FAM53B: variants seen among roughly 807,000 people sequenced by gnomAD.
FAM53B encodes the protein family with sequence similarity 53 member B.
In FAM53B, 12 loss-of-function variants were observed where a neutral mutation model predicts 32.7. The observed-to-expected ratio is 0.37, with a 90% confidence interval of 0.24 to 0.59. The LOEUF (loss-of-function observed/expected upper bound fraction) is 0.59. FAM53B is among the 20% of genes least tolerant of loss of function. The pLI, the probability that FAM53B is intolerant of heterozygous loss-of-function variation, is 0.72. For synonymous variants in FAM53B, 234 were observed against 228.7 expected (o/e 1.02, Z -0.21); for missense variants, 477 against 577.7 (o/e 0.83, Z 1.79).
At chr10:124,660,739 C>T (rs1949626102) in intron 4 of FAM53B, among the ~76,000 whole-genome samples, 1 of 152,194 alleles carries the variant, frequency 6.6e-6, no homozygotes, top group Admixed American at 6.5e-5. Context: ...TCATCTAGAT[C>T]AGGTGCCAGC....
In FAM53B at chr10:124,739,754, C is replaced by T. The variant is rs185758161; in HGVS notation, c.-175+4259G>A. On this transcript the variant is annotated intron_variant, in intron 1 of 4. Transcript: ENST00000337318. Reference sequence around the variant, plus strand: ...CGTGCAGCCCCCACAGCAGGAGAGACGGAGAACCATTAAAGCGGGGGTGCC... The same window carrying T: ...CGTGCAGCCCCCACAGCAGGAGAGATGGAGAACCATTAAAGCGGGGGTGCC... Among the ~76,000 whole-genome samples, 511 of 152,218 alleles carry T rather than the reference C, an allele frequency of 3.4e-3. 2 individuals carry two copies. Among genetic ancestry groups the T allele is most frequent in the Non-Finnish European group, 6.1e-3 (417 of 68,022 alleles).
At chr10:124,666,866 T>C (rs1360930017) in intron 4 of FAM53B, among the ~76,000 whole-genome samples, 3 of 152,146 alleles carry the variant, frequency 2.0e-5, no homozygotes, top group African/African-American at 7.2e-5. Context: ...GCTCTGGTCC[T>C]CAGGTCTCCT....
At chr10:124,667,670 G>A (rs1011341713) in intron 4 of FAM53B, among the ~76,000 whole-genome samples, 1 of 152,204 alleles carries the variant, frequency 6.6e-6, no homozygotes, top group South Asian at 2.1e-4. Flanking sequence ...CCCCGCCCGG[G>A]GTCACAGGGC....
chr10:124,711,249 C>T (rs1259414589), intron 1 of FAM53B, among the ~76,000 whole-genome samples: 2 of 152,132 alleles, frequency 1.3e-5, no homozygotes, highest in Admixed American at 1.3e-4. Flanking sequence ...CATTTATATC[C>T]CTTTCTTAAA....
At chr10:124,626,398 C>T (rs867139484) in intron 4 of FAM53B, among the ~76,000 whole-genome samples, 1 of 146,904 alleles carries the variant, frequency 6.8e-6, no homozygotes. Context: ...GCCCCCCCCC[C>T]CCCCACCATT....
intron 4 of FAM53B, among the ~76,000 whole-genome samples, chr10:124,666,342 C>T (rs1949672523): frequency 1.3e-5 from 2 of 152,260 alleles, no homozygotes; most frequent in African/African-American, 4.8e-5. Context: ...ATTCTGGGGC[C>T]TTCCCTCCAC....
At chr10:124,665,336 C>T (rs1949663144) in intron 4 of FAM53B, among the ~76,000 whole-genome samples, 1 of 152,250 alleles carries the variant, frequency 6.6e-6, no homozygotes, top group African/African-American at 2.4e-5. Context: ...AGGTGGCTCT[C>T]CCAACCCCAG....
chr10:124,694,560 T>C (rs1949856351), intron 3 of FAM53B, among the ~76,000 whole-genome samples: 1 of 152,200 alleles, frequency 6.6e-6, no homozygotes, highest in Non-Finnish European at 1.5e-5. Flanking sequence ...AGTTTACTGG[T>C]CTGGCCCGGT....
At chr10:124,703,480 A>G (rs911732393) in intron 2 of FAM53B, 3 of 152,346 alleles carry the variant, frequency 2.0e-5, no homozygotes, top group Non-Finnish European at 2.9e-5. Context: ...CCCTCAGTGT[A>G]GCTGCACCTC....
At chr10:124,727,170 A>G (rs902142792) in intron 1 of FAM53B, among the ~76,000 whole-genome samples, 2 of 152,056 alleles carry the variant, frequency 1.3e-5, no homozygotes, top group Non-Finnish European at 2.9e-5. Context: ...GGTGCATGCC[A>G]TAACACCCGG....
At chr10:124,670,222 G>A (rs1013461498) in intron 4 of FAM53B, among the ~76,000 whole-genome samples, 43 of 152,130 alleles carry the variant, frequency 2.8e-4, no homozygotes, top group Admixed American at 1.4e-3. Flanking sequence ...GCCTGTCCCC[G>A]ACACTGGGGC....
rs1193564071 is a variant in FAM53B at position 124,623,386 on chromosome 10, A to C, written c.1125T>G (p.Cys375Trp). Residue 375 changes from cysteine (C) to tryptophan (W), a missense_variant, in exon 5 of 5, where the codon TGT (cysteine) becomes TGG (tryptophan). By Grantham distance (215) the Cys-to-Trp change is radical. This residue lies in a region of FAM53B where 165 missense variants were observed against 157.5 expected (regional missense o/e 1.05). Coordinates refer to ENST00000337318, the MANE Select transcript of FAM53B (RefSeq NM_014661.4). Reference sequence around the variant, plus strand: ...CCAGGGCGCAGCTGTCTGACTCCTCACAGGACAGGTCCTCCTGGCAGGCGA... The same window carrying C: ...CCAGGGCGCAGCTGTCTGACTCCTCCCAGGACAGGTCCTCCTGGCAGGCGA... ...DHLACQEDLS[C>W]EESDSCALDE... is the part of the protein sequence containing the mutation. 1.6e-5 allele frequency: 26 copies of C among 1,612,264 alleles called. No individual in the cohort carries two copies. The highest frequency in any genetic ancestry group is 2.1e-5 in the Non-Finnish European group (25 of 1,179,726).
Position 124,706,193 on chromosome 10 carries a change from C to T in FAM53B, c.78+443G>A, listed in dbSNP as rs1198405278. 3.3e-5 allele frequency among the ~76,000 whole-genome samples: 5 copies of T among 152,176 alleles called. No homozygotes were observed. The East Asian group carries it at 9.6e-4, about 29-fold the overall frequency. The stretch of plus-strand genomic sequence containing the variant: ...AGAGGGTGGCTGTTGCCATAGCTCA[C>T]CACACCTTCTTTCCCCATCATCTCC... On this transcript the variant is annotated intron_variant, in intron 2 of 4. Transcript: ENST00000337318.
chr10:124,645,423 G>GGGGCCCAAGAT (rs1949506265), intron 4 of FAM53B, among the ~76,000 whole-genome samples: 1 of 152,212 alleles, frequency 6.6e-6, no homozygotes, highest in South Asian at 2.1e-4. Flanking sequence ...ACAGGCTCTA[G>GGGGCCCAAGAT]GGGCCCAAGA....
chr10:124,692,121 A>C (rs1379488580), intron 3 of FAM53B, among the ~76,000 whole-genome samples: 1 of 152,240 alleles, frequency 6.6e-6, no homozygotes, highest in African/African-American at 2.4e-5. Flanking sequence ...AAAGGAAGCC[A>C]AGAGTCAAAA....
At chr10:124,726,408 C>T (rs1950103732) in intron 1 of FAM53B, among the ~76,000 whole-genome samples, 1 of 152,184 alleles carries the variant, frequency 6.6e-6, no homozygotes, top group Admixed American at 6.5e-5. Context: ...TCGTCAGAGC[C>T]TTGGCCTAGC....
rs1347911801 is a variant in FAM53B, at chr10:124,733,382, C to T, written c.-175+10631G>A. On this transcript the variant is annotated intron_variant, in intron 1 of 4. Coordinates refer to ENST00000337318, the MANE Select transcript of FAM53B (RefSeq NM_014661.4). The surrounding 1 kb of genome is among the most constrained non-coding windows in gnomAD (Gnocchi z 4.3). ...CGCCAAGAGTCAGGTGACTCAGGCC[C>T]GCCATTCTCGAGTGTCTGTGTCAGC... Among the ~76,000 whole-genome samples the T allele has an allele frequency of 1.3e-5, 2 of 152,176 alleles. No individual in the cohort carries two copies. Among genetic ancestry groups the T allele is most frequent in the Non-Finnish European group, 2.9e-5 (2 of 68,038 alleles).
In FAM53B at chr10:124,710,377, AC is replaced by A. The variant is rs201090069; in HGVS notation, c.-174-3491del. Among the ~76,000 whole-genome samples, 1,473 of 152,378 alleles carry A rather than the reference AC, an allele frequency of 9.7e-3. 13 individuals carry two copies. The highest frequency in any genetic ancestry group is 0.016 in the Non-Finnish European group (1,117 of 68,038). On this transcript the variant is annotated intron_variant, in intron 1 of 4. Transcript: ENST00000337318. ...TCCAGAATCCAGCTAAATTACAGCA[AC>A]ATGTGAAATGATCTGGGCACGTTCT...
chr10:124,703,789 C>G (rs944564196), intron 2 of FAM53B: 2 of 152,398 alleles, frequency 1.3e-5, no homozygotes, highest in African/African-American at 2.4e-5. Flanking sequence ...AAGGAGAGTT[C>G]AGGAAGAAAG....
Sources: gnomAD v4.1 joint callset for allele counts (sites outside exome capture counted in the v4.1 genomes callset) on GRCh38, gnomAD v4.1.1 for gene constraint, gnomAD v4.1.1 regional missense constraint, Gnocchi (gnomAD v3.1) non-coding constraint, MANE v1.5 for transcripts, NCBI Gene and HGNC (gene_info 2026-07-23, HGNC 2026-07-21) for gene names.